The following COCH variants were observed in gnomAD, a reference collection of about 807,000 sequenced individuals.
The protein encoded by COCH is cochlin.
In COCH, 40 loss-of-function variants were observed where a neutral mutation model predicts 54.8. The observed-to-expected ratio is 0.73, with a 90% CI of 0.57 to 0.95. COCH has a LOEUF of 0.95. Ranked by LOEUF, COCH falls within the 40% of genes least tolerant of loss-of-function variation. The probability of loss-of-function intolerance (pLI) is 0.00; values close to 1 mark genes in which losing one functional copy is unlikely to be tolerated. For missense variants in COCH, 605 were observed against 675.0 expected, an observed-to-expected ratio of 0.90 and a Z score of 1.15; for synonymous variants, 256 against 237.9, an observed-to-expected ratio of 1.08 and a Z score of -0.70.
downstream of COCH, among the ~76,000 whole-genome samples, chr14:30,892,460 G>T (rs1249790732): frequency 6.6e-6 from 1 of 152,064 alleles, no homozygotes; most frequent in Non-Finnish European, 1.5e-5. Context: ...CCTTTAATTT[G>T]TCCTTTAGTT....
rs1232699907 is a variant in COCH at position 30,885,632 on chromosome 14, A to G, written c.960+12A>G. On this transcript the variant is annotated intron_variant, in intron 10 of 11. Coordinates refer to ENST00000396618, the MANE Select transcript of COCH (RefSeq NM_004086.3). ...CATTTGTTGACAAGGTAAAGTGGTG[A>G]GGGTTATCTTCTGTTACAGTGATGG... is the stretch of plus-strand genomic sequence containing the variant. 1.9e-6 allele frequency: 3 copies of G among 1,542,972 alleles called. No homozygotes were observed. Among genetic ancestry groups the G allele is most frequent in the Non-Finnish European group, 2.7e-6 (3 of 1,115,352 alleles).
chr14:30,880,823 T>A (rs907091119), intron 8 of COCH, 89 bp downstream of exon 8: 1 of 982,466 alleles, frequency 1.0e-6, no homozygotes, highest in Non-Finnish European at 1.6e-6. Flanking sequence ...GGGTACATAG[T>A]GATGTTTTCA....
In COCH at chr14:30,877,428, T is replaced by G; in HGVS notation, c.83-144T>G. ...TGTGGCTTGCCAAAATCTGGAATGGTATGGAAGGGTATATAAGTCAATAGT... is the reference window on the plus strand; with the variant it reads ...TGTGGCTTGCCAAAATCTGGAATGGGATGGAAGGGTATATAAGTCAATAGT... On this transcript the variant is annotated intron_variant, in intron 3 of 11. Transcript: ENST00000396618. This position sits in a 1 kb window ranked among gnomAD's most constrained non-coding sequence, Gnocchi z 8.6. 7.9e-6 allele frequency: 8 copies of G among 1,013,598 alleles called. No individual in the cohort carries two copies. The highest frequency in any genetic ancestry group is 1.5e-5 in the South Asian group (1 of 65,286). The allele number at this position is 1,013,598 out of a possible 1,614,324, so 62.8% of individuals were successfully genotyped here.
Position 30,890,027 on chromosome 14 carries a change from A to G in COCH, c.*236A>G. On this transcript the variant is annotated 3_prime_UTR_variant, in exon 12 of 12. Coordinates refer to ENST00000396618, the MANE Select transcript of COCH (RefSeq NM_004086.3). Reference sequence around the variant, plus strand: ...TCATAATCATGGCTCTTAGAAACTCAGGAAAGAGGAGATAATGTGGATTAA... The same window carrying G: ...TCATAATCATGGCTCTTAGAAACTCGGGAAAGAGGAGATAATGTGGATTAA... 8.1e-7 allele frequency: 1 copy of G among 1,230,286 alleles called. No homozygotes were observed. The highest frequency in any genetic ancestry group is 1.0e-6 in the Non-Finnish European group (1 of 980,344). The allele number at this position is 1,230,286 out of a possible 1,614,324, so 76.2% of individuals were successfully genotyped here. A position where few individuals can be genotyped will look rare whatever the true frequency, so the allele number is the denominator to read the frequency against.
intron 9 of COCH, chr14:30,884,938 A>G: frequency 6.3e-7 from 1 of 1,597,806 alleles, no homozygotes; most frequent in Non-Finnish European, 8.5e-7. Context: ...ATCTCTTTGT[A>G]ATGCTAAAAA....
chr14:30,892,834 T>TGAA (rs1896018921), downstream of COCH, among the ~76,000 whole-genome samples: 1 of 151,410 alleles, frequency 6.6e-6, no homozygotes. Flanking sequence ...ACAAAAAACT[T>TGAA]GAAAAGTTTT....
At chr14:30,880,762 T>TAAAA (rs10706771) in intron 8 of COCH, 28 bp downstream of exon 8, 1 of 1,511,582 alleles carries the variant, frequency 6.6e-7, no homozygotes, top group Non-Finnish European at 9.1e-7. Flanking sequence ...ATGGGAGATT[T>TAAAA]AAAAAAAAAA....
chr14:30,893,651 C>G (rs1896052226), downstream of COCH: 1 of 152,094 alleles, frequency 6.6e-6, no homozygotes, highest in South Asian at 2.1e-4. Context: ...TTTTGAATTG[C>G]ATAATTTAAT....
chr14:30,889,268 A>T (rs1201034567), intron 11 of COCH: 7 of 256,756 alleles, frequency 2.7e-5, no homozygotes, highest in South Asian at 4.8e-5. Flanking sequence ...GTAGGATTTT[A>T]AAAAAGATAC....
At chr14:30,880,535 C>T in intron 7 of COCH, 39 bp downstream of exon 7, 2 of 1,614,064 alleles carry the variant, frequency 1.2e-6, no homozygotes, top group Non-Finnish European at 1.7e-6. Flanking sequence ...GTAGCATTTT[C>T]CCTCCCTCCT....
At chr14:30,887,196 C>G (rs543461444) in intron 11 of COCH, among the ~76,000 whole-genome samples, 39 of 152,100 alleles carry the variant, frequency 2.6e-4, no homozygotes, top group African/African-American at 9.2e-4. Context: ...GAGTTCAAGA[C>G]CAGCCGGGCC....
chr14:30,882,120 G>GTTTTT (rs61175020), intron 8 of COCH, among the ~76,000 whole-genome samples: 1,798 of 67,870 alleles, frequency 0.026, 359 homozygotes, highest in Non-Finnish European at 0.031. Flanking sequence ...CTATAAAATG[G>GTTTTT]TTTTTTTTTT....
downstream of COCH, chr14:30,890,686 A>G: frequency 1.9e-6 from 1 of 513,704 alleles, no homozygotes; most frequent in Non-Finnish European, 2.5e-6. Flanking sequence ...TGGAAAGACC[A>G]ATCTGAATTG....
At chr14:30,880,010 G>C in intron 6 of COCH, among the ~76,000 whole-genome samples, 1 of 152,082 alleles carries the variant, frequency 6.6e-6, no homozygotes, top group Non-Finnish European at 1.5e-5. Flanking sequence ...GATAAACCAC[G>C]CCTAAGAACT....
Position 30,886,057 on chromosome 14 carries a change from G to A in COCH, c.1222G>A (p.Ala408Thr), listed in dbSNP as rs1895780270. ...EISDIGAKIA[A>T]VQFTYDQRTE... ...CTCGGACATTGGTGCCAAGATAGCT[G>A]CTGTACAGTTTACTTATGATCAGCG... Residue 408 changes from alanine (A) to threonine (T), a missense_variant, in exon 11 of 12, where the codon GCT becomes ACT. Transcript: ENST00000396618. 1.2e-6 allele frequency: 2 copies of A among 1,614,110 alleles called. No homozygotes were observed. The highest frequency in any genetic ancestry group is 1.7e-6 in the Non-Finnish European group (2 of 1,180,056).
chr14:30,875,344 C>G, intron 3 of COCH: 1 of 625,456 alleles, frequency 1.6e-6, no homozygotes, highest in South Asian at 1.9e-5. Context: ...TCCAAGAGCA[C>G]TAGGAAGAAG....
At chr14:30,878,218 T>C (rs1895439511) in intron 4 of COCH, among the ~76,000 whole-genome samples, 1 of 152,130 alleles carries the variant, frequency 6.6e-6, no homozygotes, top group African/African-American at 2.4e-5. Flanking sequence ...CTAAAGTGAG[T>C]ATCTTAGGAA....
chr14:30,885,558 T>C lies in COCH; in HGVS notation c.898T>C (p.Ser300Pro). Reference sequence around the variant, plus strand: ...GTTTGGTGTCAATGTATTTATAGTTTCTGTGGCCAAGCCTATCCCTGAAGA... The same window carrying C: ...GTTTGGTGTCAATGTATTTATAGTTCCTGTGGCCAAGCCTATCCCTGAAGA... ...REFGVNVFIV[S>P]VAKPIPEELG... The change falls in exon 10 of 12, where the codon TCT (serine) becomes CCT (proline). Residue 300 changes from serine to proline, a missense_variant. Ser to Pro is a moderately conservative substitution (Grantham distance 74). Coordinates refer to ENST00000396618, the MANE Select transcript of COCH (RefSeq NM_004086.3). 2.5e-6 allele frequency: 4 copies of C among 1,613,612 alleles called. No homozygotes were observed. Among genetic ancestry groups the C allele is most frequent in the Non-Finnish European group, 3.4e-6 (4 of 1,179,498 alleles).
intron 11 of COCH, among the ~76,000 whole-genome samples, chr14:30,887,770 G>T (rs928445718): frequency 6.6e-6 from 1 of 152,136 alleles, no homozygotes; most frequent in East Asian, 1.9e-4. Context: ...ACTGATGAAA[G>T]ATTATTCTTA....
Sources: allele counts gnomAD v4.1 joint callset (sites outside exome capture counted in the v4.1 genomes callset), GRCh38; gene constraint gnomAD v4.1.1; non-coding constraint Gnocchi (gnomAD v3.1); transcripts MANE v1.5; gene names NCBI Gene and HGNC (gene_info 2026-07-23, HGNC 2026-07-21).